Variants in ABCC1 observed in about 807,000 individuals in gnomAD.
ABCC1 encodes ATP binding cassette subfamily C member 1 (ABCC1 blood group), also known as multidrug resistance-associated protein 1.
Under a neutral mutation model 172.9 loss-of-function variants are expected in ABCC1, and 83 were observed. That is an observed-to-expected ratio of 0.48 (90% CI 0.40 to 0.58). ABCC1 has a LOEUF of 0.58. ABCC1 is among the 20% of genes least tolerant of loss of function. The probability of loss-of-function intolerance (pLI) is 0.00; values close to 1 mark genes in which losing one functional copy is unlikely to be tolerated. For synonymous variants in ABCC1, 937 were observed against 825.2 expected (o/e 1.14, Z -2.32); for missense variants, 1,817 against 2,002.7 (o/e 0.91, Z 1.77).
At chr16:16,122,508 C>T (rs1420200970) in intron 24 of ABCC1, among the ~76,000 whole-genome samples, 1 of 152,070 alleles carries the variant, frequency 6.6e-6, no homozygotes, top group African/African-American at 2.4e-5. Flanking sequence ...ACCGCTGTTC[C>T]CGTCTGGGGG....
At chr16:16,030,405 A>T (rs2048521893) in intron 5 of ABCC1, among the ~76,000 whole-genome samples, 1 of 152,126 alleles carries the variant, frequency 6.6e-6, no homozygotes, top group Non-Finnish European at 1.5e-5. Context: ...GATGCTTGTA[A>T]TCCCAGCTAC....
intron 1 of ABCC1, among the ~76,000 whole-genome samples, chr16:15,989,061 T>C (rs2046802507): frequency 1.3e-5 from 1 of 76,218 alleles, no homozygotes; most frequent in Non-Finnish European, 2.4e-5. Flanking sequence ...AGAGCAAGAC[T>C]CTGTCTCAAA....
At chr16:16,138,203 A>G (rs992916085) in intron 29 of ABCC1, among the ~76,000 whole-genome samples, 161 bp from the exon 30 acceptor site, 1 of 152,108 alleles carries the variant, frequency 6.6e-6, no homozygotes, top group African/African-American at 2.4e-5. Flanking sequence ...GCTCTGATTG[A>G]TTAGTGATGT....
intron 28 of ABCC1, 49 bp downstream of exon 28, chr16:16,134,557 A>G (rs752414653): frequency 3.1e-5 from 49 of 1,581,484 alleles, no homozygotes; most frequent in East Asian, 1.6e-4. Flanking sequence ...GGCAAGCCCT[A>G]TGATTGCACT....
intron 1 of ABCC1, among the ~76,000 whole-genome samples, chr16:15,994,478 C>A (rs2046984798): frequency 6.6e-6 from 1 of 152,138 alleles, no homozygotes; most frequent in Non-Finnish European, 1.5e-5. Flanking sequence ...AGCACTTAAT[C>A]ACTGTGCCTG....
intron 19 of ABCC1, chr16:16,094,302 T>G (rs2051377117): frequency 3.8e-6 from 1 of 265,522 alleles, no homozygotes; most frequent in Non-Finnish European, 7.7e-6. Flanking sequence ...ACTCTCTGTA[T>G]TTTTAAGCAT....
chr16:16,133,377 T>A (rs45580538), intron 27 of ABCC1, among the ~76,000 whole-genome samples: 37 of 139,230 alleles, frequency 2.7e-4, no homozygotes, highest in African/African-American at 1.2e-3. Context: ...TGTCTTTTTT[T>A]GTTTTTGTTT....
In ABCC1 at chr16:16,114,894, G is replaced by A; in HGVS notation, c.3208G>A (p.Gly1070Arg). 6.2e-7 allele frequency: 1 copy of A among 1,613,860 alleles called. No homozygotes were observed. The highest frequency in any genetic ancestry group is 8.5e-7 in the Non-Finnish European group (1 of 1,179,882). Residue 1070 changes from glycine to arginine, a missense_variant, in exon 23 of 31, where the codon GGG becomes AGG. Gly to Arg is a moderately radical substitution (Grantham distance 125, BLOSUM62 -2). Transcript: ENST00000399410. Reference sequence around the variant, plus strand: ...GAGCTTCTTTGAGCGGACCCCCAGTGGGAACCTGGTGAACCGCTTCTCCAA... The same window carrying A: ...GAGCTTCTTTGAGCGGACCCCCAGTAGGAACCTGGTGAACCGCTTCTCCAA... ...PMSFFERTPS[G>R]NLVNRFSKEL... is the part of the protein sequence containing the mutation.
intron 9 of ABCC1, among the ~76,000 whole-genome samples, chr16:16,046,343 T>C (rs2049206791): frequency 6.6e-6 from 1 of 152,016 alleles, no homozygotes; most frequent in African/African-American, 2.4e-5. Context: ...TTGTTGTCAC[T>C]CTTTTTTTTT....
At chr16:16,055,265 A>G (rs919340271) in intron 11 of ABCC1, among the ~76,000 whole-genome samples, 1 of 152,020 alleles carries the variant, frequency 6.6e-6, no homozygotes, top group Admixed American at 6.6e-5. Context: ...AAGAAATAAG[A>G]AAACAGGCTG....
chr16:16,047,950 G>T (rs2049282150), intron 9 of ABCC1, among the ~76,000 whole-genome samples, 192 bp from the exon 10 acceptor site: 1 of 152,126 alleles, frequency 6.6e-6, no homozygotes, highest in Non-Finnish European at 1.5e-5. Context: ...GAGGCACTGA[G>T]CACCGCGGAT....
chr16:16,042,241 C>G (rs1230673249), intron 7 of ABCC1, among the ~76,000 whole-genome samples: 1 of 150,936 alleles, frequency 6.6e-6, no homozygotes, highest in African/African-American at 2.4e-5. Context: ...TCCCAGGCAT[C>G]CAGCCAACAG....
chr16:16,016,031 C>T (rs533179219), intron 4 of ABCC1, among the ~76,000 whole-genome samples: 4 of 152,200 alleles, frequency 2.6e-5, no homozygotes, highest in African/African-American at 9.6e-5. Flanking sequence ...TGAGACTACC[C>T]GTGATGGAGC....
In ABCC1 at chr16:16,007,733, T is replaced by A. The variant is rs2047597359; in HGVS notation, c.49-83T>A. On this transcript the variant is annotated intron_variant, in intron 1 of 30. Transcript: ENST00000399410. ...GCCTTGTCTGTTTCTTCAAACCCCG[T>A]GGCAGCTGGTTTCATGCTCCAGGCG... 6 of 1,373,900 alleles carry A rather than the reference T, an allele frequency of 4.4e-6. No individual in the cohort carries two copies. The Admixed American group carries it at 1.2e-4, about 27-fold the overall frequency. The allele number at this position is 1,373,900 out of a possible 1,614,324, so 85.1% of individuals were successfully genotyped here. A position where few individuals can be genotyped will look rare whatever the true frequency, so the allele number is the denominator to read the frequency against.
At chr16:16,003,980 TTGGGTGGATGGATGCATTGGTGGG>T (rs929082212) in intron 1 of ABCC1, among the ~76,000 whole-genome samples, 44 of 137,852 alleles carry the variant, frequency 3.2e-4, no homozygotes, top group Non-Finnish European at 5.6e-4. Flanking sequence ...GAGTGGGTAG[TTGGGTGGATGGATGCATTGGTGGG>T]TGGGTGGATG....
At chr16:15,987,815 CT>C (rs1482219659) in intron 1 of ABCC1, among the ~76,000 whole-genome samples, 1 of 152,216 alleles carries the variant, frequency 6.6e-6, no homozygotes, top group Admixed American at 6.5e-5. Context: ...TTCTTCAGAC[CT>C]GTTGGCCTCT....
chr16:16,044,476 C>T lies in ABCC1; in HGVS notation c.836C>T (p.Ser279Phe), dbSNP rs775434031. 28 of 1,614,156 alleles carry T rather than the reference C, an allele frequency of 1.7e-5. No individual in the cohort carries two copies. The South Asian group carries it at 2.7e-4, about 16-fold the overall frequency. Residue 279 changes from serine to phenylalanine, a missense_variant, in exon 8 of 31, where the codon TCC becomes TTC. Ser to Phe is a radical substitution (Grantham distance 155). Transcript: ENST00000399410. ...RKQPVKVVYS[S>F]KDPAQPKESS... is the part of the protein sequence containing the mutation. ...CAGCCGGTGAAGGTTGTGTACTCCT[C>T]CAAGGATCCTGCCCAGCCGAAAGAG... is the stretch of plus-strand genomic sequence containing the variant.
Position 15,984,448 on chromosome 16 carries a change from C to CTTTT in ABCC1, c.49-23358_49-23355dup, listed in dbSNP as rs1555475245. On this transcript the variant is annotated intron_variant, in intron 1 of 30. Transcript: ENST00000399410. The stretch of plus-strand genomic sequence containing the variant: ...TTTTTATTGTTTACCTTGATATATA[C>CTTTT]TTTTTTTTTTTTTGAGATAGAGTCT... Among the ~76,000 whole-genome samples, 871 of 146,992 alleles carry CTTTT rather than the reference C, an allele frequency of 5.9e-3. 7 individuals are homozygous for CTTTT. The highest frequency in any genetic ancestry group is 0.02 in the African/African-American group (803 of 39,884).
intron 1 of ABCC1, among the ~76,000 whole-genome samples, chr16:15,996,723 G>A (rs1404483522): frequency 1.3e-5 from 2 of 152,126 alleles, no homozygotes; most frequent in African/African-American, 4.8e-5. Flanking sequence ...CAGTAAGGGT[G>A]TAGGGCAAAG....
Sources: allele counts gnomAD v4.1 joint callset (sites outside exome capture counted in the v4.1 genomes callset), GRCh38; gene constraint gnomAD v4.1.1; transcripts MANE v1.5; gene names NCBI Gene and HGNC (gene_info 2026-07-23, HGNC 2026-07-21).